Variants in TENM3 observed in about 807,000 individuals in gnomAD.
The protein encoded by TENM3 is teneurin-3.
In TENM3, 63 loss-of-function variants were observed where a neutral mutation model predicts 255.1. The observed-to-expected ratio is 0.25, with a 90% CI of 0.20 to 0.30. The LOEUF is 0.30. Ranked by LOEUF, TENM3 falls within the 10% of genes least tolerant of loss-of-function variation. The probability of loss-of-function intolerance (pLI) is 1.00; values close to 1 mark genes in which losing one functional copy is unlikely to be tolerated. For synonymous variants in TENM3, 1,306 were observed against 1,322.3 expected (o/e 0.99, Z 0.27); for missense variants, 2,929 against 3,461.1 (o/e 0.85, Z 3.86).
chr4:181,968,919 G>T, the TENM3 span, among the ~76,000 whole-genome samples: 3 of 151,466 alleles, frequency 2.0e-5, no homozygotes, highest in African/African-American at 7.3e-5. Flanking sequence ...TGACATCTTT[G>T]TGTACCACAC....
chr4:182,687,803 G>A (rs1279236301), intron 11 of TENM3, among the ~76,000 whole-genome samples: 2 of 152,032 alleles, frequency 1.3e-5, no homozygotes. Context: ...TGGGGGTGTG[G>A]GGACATGTTT....
chr4:182,662,497 C>T (rs1754308407), intron 6 of TENM3, among the ~76,000 whole-genome samples: 1 of 152,098 alleles, frequency 6.6e-6, no homozygotes, highest in Non-Finnish European at 1.5e-5. Context: ...ACTCTGTTGC[C>T]CTGTCTCTAT....
chr4:182,498,854 T>TAA (rs11413696), intron 3 of TENM3, among the ~76,000 whole-genome samples: 27 of 147,312 alleles, frequency 1.8e-4, no homozygotes, highest in Admixed American at 1.1e-3. Context: ...AAACTCCATC[T>TAA]AAAAAAAAAA....
the TENM3 span, among the ~76,000 whole-genome samples, chr4:181,561,094 G>A: frequency 6.6e-6 from 1 of 151,936 alleles, no homozygotes; most frequent in African/African-American, 2.4e-5. Context: ...CTGGGATTTC[G>A]GGTGTGTGCC....
chr4:182,086,769 A>C, the TENM3 span, among the ~76,000 whole-genome samples: 1 of 151,992 alleles, frequency 6.6e-6, no homozygotes, highest in African/African-American at 2.4e-5. Context: ...TTTGAGCAAC[A>C]CTTAGAAATA....
At chr4:181,753,881 T>A in the TENM3 span, among the ~76,000 whole-genome samples, 1 of 152,190 alleles carries the variant, frequency 6.6e-6, no homozygotes, top group East Asian at 1.9e-4. Flanking sequence ...TGTAAGTCTG[T>A]ATTCGTCAAA....
At chr4:181,450,771 T>C in the TENM3 span, among the ~76,000 whole-genome samples, 1 of 152,360 alleles carries the variant, frequency 6.6e-6, no homozygotes, top group Admixed American at 6.5e-5. Flanking sequence ...AGAACTAATG[T>C]TTTCATAACA....
chr4:182,666,107 G>A (rs1754655836), intron 6 of TENM3, among the ~76,000 whole-genome samples: 1 of 152,162 alleles, frequency 6.6e-6, no homozygotes, highest in Admixed American at 6.6e-5. Context: ...TAGAAGTAGA[G>A]CCTGAAGATG....
chr4:181,749,408 T>G, the TENM3 span, among the ~76,000 whole-genome samples: 2 of 152,134 alleles, frequency 1.3e-5, no homozygotes, highest in African/African-American at 4.8e-5. Flanking sequence ...GTTTTGAAGG[T>G]CCTCTTTTGT....
At chr4:181,763,692 A>G in the TENM3 span, among the ~76,000 whole-genome samples, 1 of 152,196 alleles carries the variant, frequency 6.6e-6, no homozygotes, top group Admixed American at 6.5e-5. Flanking sequence ...TAAAATATCT[A>G]CAGTCTGGCC....
At chr4:182,205,154 A>T (rs900747307) in intron 1 of TENM3, among the ~76,000 whole-genome samples, 2 of 152,224 alleles carry the variant, frequency 1.3e-5, no homozygotes, top group African/African-American at 2.4e-5. Context: ...TTGAAAGCCC[A>T]CATTGACCGT....
At chr4:182,229,622 G>GTA (rs147808003) in intron 1 of TENM3, among the ~76,000 whole-genome samples, 2,530 of 148,960 alleles carry the variant, frequency 0.017, 36 homozygotes, top group African/African-American at 0.058. Flanking sequence ...ATATATATGT[G>GTA]TATATATATA....
chr4:182,154,865 G>GCT (rs1409644398), intron 1 of TENM3, among the ~76,000 whole-genome samples: 50 of 152,146 alleles, frequency 3.3e-4, no homozygotes, highest in Non-Finnish European at 1.3e-4. Flanking sequence ...TTTGGTCATG[G>GCT]ATTTTAAAAA....
At chr4:181,633,338 CA>C in the TENM3 span, among the ~76,000 whole-genome samples, 1 of 152,166 alleles carries the variant, frequency 6.6e-6, no homozygotes, top group Non-Finnish European at 1.5e-5. Context: ...ATTATTTTAG[CA>C]GCTATTCTAG....
intron 3 of TENM3, among the ~76,000 whole-genome samples, chr4:182,464,197 A>G (rs1732353747): frequency 6.6e-6 from 1 of 151,870 alleles, no homozygotes; most frequent in Non-Finnish European, 1.5e-5. Context: ...TGAACTATTC[A>G]GCTATGAGTC....
chr4:182,328,519 A>T (rs1763557368), intron 2 of TENM3, among the ~76,000 whole-genome samples: 1 of 148,252 alleles, frequency 6.7e-6, no homozygotes, highest in Non-Finnish European at 1.5e-5. Flanking sequence ...CCCGGCCAGG[A>T]CTCTGTTTTT....
At chr4:182,466,461 C>G (rs893289032) in intron 3 of TENM3, among the ~76,000 whole-genome samples, 12 of 152,148 alleles carry the variant, frequency 7.9e-5, no homozygotes, top group Non-Finnish European at 1.8e-4. Context: ...TCCCAGGTAG[C>G]TGGGACTGCA....
intron 3 of TENM3, among the ~76,000 whole-genome samples, chr4:182,501,235 G>T (rs987449324): frequency 1.3e-5 from 2 of 152,044 alleles, no homozygotes; most frequent in Non-Finnish European, 2.9e-5. Flanking sequence ...TCAGTAGAGT[G>T]CTTAATTAGC....
At chr4:182,102,238 G>C in the TENM3 span, among the ~76,000 whole-genome samples, 1 of 152,186 alleles carries the variant, frequency 6.6e-6, no homozygotes, top group East Asian at 1.9e-4. Context: ...GGTTCCAGCA[G>C]TTTATTTAAA....
Sources: gnomAD v4.1 joint callset for allele counts (sites outside exome capture counted in the v4.1 genomes callset) on GRCh38, gnomAD v4.1.1 for gene constraint, MANE v1.5 for transcripts, NCBI Gene and HGNC (gene_info 2026-07-23, HGNC 2026-07-21) for gene names.